ANKRD62: variants seen among roughly 807,000 people sequenced by gnomAD.
The protein encoded by ANKRD62 is ankyrin repeat domain-containing protein 62.
In ANKRD62, 61 loss-of-function variants were observed where a neutral mutation model predicts 98.8. The ratio of observed to expected loss-of-function variants is 0.62; its 90% CI spans 0.50 to 0.76. The LOEUF is 0.76. Among genes scored for constraint, ANKRD62 ranks in the 30% least tolerant of loss-of-function variants. ANKRD62 has a pLI of 0.00. For synonymous variants in ANKRD62, 341 were observed against 367.9 expected, an observed-to-expected ratio of 0.93 and a Z score of 0.84; for missense variants, 933 against 1,082.9, an observed-to-expected ratio of 0.86 and a Z score of 1.94.
Position 12,129,394 on chromosome 18 carries a change from C to A in ANKRD62, c.*1455C>A, listed in dbSNP as rs931582726. The A allele has an allele frequency of 6.6e-6, 1 of 152,082 alleles. No homozygotes were observed. The highest frequency in any genetic ancestry group is 1.5e-5 in the Non-Finnish European group (1 of 68,008). 9.4% of individuals were successfully genotyped at this position (152,082 alleles called of 1,614,324 possible). On this transcript the variant is annotated 3_prime_UTR_variant, in exon 14 of 14. Coordinates refer to ENST00000587848, the MANE Select transcript of ANKRD62 (RefSeq NM_001277333.2). ...CACTACAGTTACAGCACAAAAGTAG[C>A]CGTAAACAATATGCAGACTGAAGGG... is the stretch of plus-strand genomic sequence containing the variant.
At chr18:12,132,707 A>C (rs1365080864), downstream of ANKRD62, among the ~76,000 whole-genome samples, 2 of 152,072 alleles carry the variant, frequency 1.3e-5, no homozygotes, top group Non-Finnish European at 2.9e-5. Flanking sequence ...AATTTTCTCA[A>C]ATGCTTTTTC....
chr18:12,119,843 T>A (rs1387806763), intron 10 of ANKRD62, among the ~76,000 whole-genome samples: 4 of 152,124 alleles, frequency 2.6e-5, no homozygotes, highest in Non-Finnish European at 5.9e-5. Flanking sequence ...GTGCTAAAAA[T>A]TTGTATTTAA....
the ANKRD62 span, among the ~76,000 whole-genome samples, chr18:12,137,682 CT>C: frequency 2.0e-4 from 30 of 152,176 alleles, 1 homozygote; most frequent in East Asian, 1.5e-3. Flanking sequence ...TGGTTCTGGA[CT>C]TTTTTTGGTT....
the ANKRD62 span, among the ~76,000 whole-genome samples, chr18:12,162,734 G>A: frequency 3.3e-5 from 5 of 152,126 alleles, no homozygotes; most frequent in East Asian, 1.9e-4. Flanking sequence ...TCTGCATATC[G>A]ACATCTAGTT....
At chr18:12,117,462 C>CT (rs1425246323) in intron 10 of ANKRD62, among the ~76,000 whole-genome samples, 1 of 152,130 alleles carries the variant, frequency 6.6e-6, no homozygotes, top group Non-Finnish European at 1.5e-5. Context: ...ATTTCTTTTT[C>CT]TTACCTGACT....
rs1909971311 is a variant in ANKRD62 at position 12,129,739 on chromosome 18, C to T, written c.*1800C>T. 1 of 98,254 alleles carries T rather than the reference C, an allele frequency of 1.0e-5. No individual in the cohort carries two copies. The highest frequency in any genetic ancestry group is 1.9e-5 in the Non-Finnish European group (1 of 52,152). The allele number at this position is 98,254 out of a possible 1,614,324, so 6.1% of individuals were successfully genotyped here. A position where few individuals can be genotyped will look rare whatever the true frequency, so the allele number is the denominator to read the frequency against. On this transcript the variant is annotated 3_prime_UTR_variant, in exon 14 of 14. Coordinates refer to ENST00000587848, the MANE Select transcript of ANKRD62 (RefSeq NM_001277333.2). Reference sequence around the variant, plus strand: ...CTCCAGCCTGGGCGACAGAGCAAGACTCTGTCTCAAAAAAAAAAAAAAAAA... The same window carrying T: ...CTCCAGCCTGGGCGACAGAGCAAGATTCTGTCTCAAAAAAAAAAAAAAAAA...
the ANKRD62 span, among the ~76,000 whole-genome samples, chr18:12,139,706 T>C: frequency 0.91 from 137,885 of 151,910 alleles, 62,801 homozygotes; most frequent in Middle Eastern, 0.99. Flanking sequence ...GAGTTTCTGC[T>C]GAGAGATCAG....
At chr18:12,102,820 TGTTA>T (rs2143901033) in intron 6 of ANKRD62, 2 of 956,776 alleles carry the variant, frequency 2.1e-6, no homozygotes, top group African/African-American at 1.7e-5. Context: ...CAATATGTAG[TGTTA>T]GTTTATCTGT....
chr18:12,115,805 G>C (rs1203164045), intron 10 of ANKRD62, among the ~76,000 whole-genome samples: 1 of 152,028 alleles, frequency 6.6e-6, no homozygotes, highest in Admixed American at 6.6e-5. Flanking sequence ...CCAGGGTCAG[G>C]TTGTCATTAT....
the ANKRD62 span, among the ~76,000 whole-genome samples, chr18:12,179,780 T>C: frequency 2.8e-4 from 35 of 124,056 alleles, no homozygotes; most frequent in Non-Finnish European, 4.9e-4. Flanking sequence ...TTTTTTTCCC[T>C]GTTCCCTTTT....
intron 6 of ANKRD62, chr18:12,102,905 T>A: frequency 1.8e-6 from 1 of 560,498 alleles, no homozygotes; most frequent in South Asian, 8.5e-5. Context: ...GATTCATTTG[T>A]GAGCGAATCT....
At chr18:12,181,454 A>G in the ANKRD62 span, among the ~76,000 whole-genome samples, 10 of 152,364 alleles carry the variant, frequency 6.6e-5, no homozygotes, top group South Asian at 1.7e-3. Flanking sequence ...CTTAAACAGC[A>G]TGTATCTTGG....
rs778455207 is a variant in ANKRD62 at position 12,095,449 on chromosome 18, CAAG to C, written c.353_355del (p.Glu118del). The C allele has an allele frequency of 8.9e-6, 14 of 1,572,122 alleles. No homozygotes were observed. In the African/African-American group the frequency reaches 1.1e-4, roughly 12 times the overall value. On this transcript the variant is annotated inframe_deletion, in exon 3 of 14. Coordinates refer to ENST00000587848, the MANE Select transcript of ANKRD62 (RefSeq NM_001277333.2). ...CTAATACTGACAGGCTGTACAATGT[CAAG>C]AAGAAGTTTGTGCATCCATCCTGCT...
chr18:12,131,564 A>G (rs1910005390), downstream of ANKRD62, among the ~76,000 whole-genome samples: 1 of 152,098 alleles, frequency 6.6e-6, no homozygotes, highest in Non-Finnish European at 1.5e-5. Flanking sequence ...TGGAACTGTC[A>G]GCTTGCACGC....
At chr18:12,125,380 ATTAC>A (rs1306197149) in intron 12 of ANKRD62, 76 bp from the exon 13 acceptor site, 1 of 1,304,068 alleles carries the variant, frequency 7.7e-7, no homozygotes, top group African/African-American at 1.5e-5. Flanking sequence ...CGTACAGGTT[ATTAC>A]TTATTTAGTT....
the ANKRD62 span, among the ~76,000 whole-genome samples, chr18:12,135,377 A>AT: frequency 6.6e-6 from 1 of 150,630 alleles, no homozygotes; most frequent in East Asian, 1.9e-4. Flanking sequence ...TGAACTCATC[A>AT]TTTTTTATGG....
At chr18:12,173,659 A>G in the ANKRD62 span, among the ~76,000 whole-genome samples, 1 of 152,218 alleles carries the variant, frequency 6.6e-6, no homozygotes, top group South Asian at 2.1e-4. Flanking sequence ...TGCTCTTATC[A>G]GGAGCTCTTG....
chr18:12,120,327 G>A (rs1173828106), intron 10 of ANKRD62, among the ~76,000 whole-genome samples: 1 of 151,910 alleles, frequency 6.6e-6, no homozygotes, highest in African/African-American at 2.4e-5. Flanking sequence ...TGTTATTAGG[G>A]GCATAAACAT....
chr18:12,172,700 C>A, the ANKRD62 span, among the ~76,000 whole-genome samples: 4 of 152,192 alleles, frequency 2.6e-5, no homozygotes, highest in African/African-American at 9.6e-5. Context: ...TGCTCTGTCC[C>A]CAGAGGTGGA....
Sources: gnomAD v4.1 joint callset for allele counts (sites outside exome capture counted in the v4.1 genomes callset) on GRCh38, gnomAD v4.1.1 for gene constraint, MANE v1.5 for transcripts, NCBI Gene and HGNC (gene_info 2026-07-23, HGNC 2026-07-21) for gene names.